MINAR1: variants seen among roughly 807,000 people sequenced by gnomAD.
MINAR1 encodes the protein membrane integral NOTCH2 associated receptor 1, also known as major intrinsically disordered Notch2-binding receptor 1.
A neutral mutation model predicts 65.1 loss-of-function variants in MINAR1; 40 were observed. That is an observed-to-expected ratio of 0.61 (90% CI 0.48 to 0.80). The LOEUF (loss-of-function observed/expected upper bound fraction) is 0.80, where lower values mean the gene tolerates loss of function less well. Among genes scored for constraint, MINAR1 ranks in the 30% least tolerant of loss-of-function variants. The probability of loss-of-function intolerance (pLI) is 0.00; values close to 1 mark genes in which losing one functional copy is unlikely to be tolerated. For missense variants in MINAR1, 1,128 were observed against 1,148.0 expected (o/e 0.98, Z 0.25); for synonymous variants, 482 against 449.1 (o/e 1.07, Z -0.93).
the MINAR1 span, chr15:79,419,989 G>A: frequency 6.6e-6 from 1 of 151,978 alleles, no homozygotes; most frequent in Non-Finnish European, 1.5e-5. Flanking sequence ...TACCAACTAG[G>A]GTGAATTAAA....
chr15:79,445,504 ATAAATCT>A (rs1219571064), intron 1 of MINAR1, among the ~76,000 whole-genome samples: 1 of 152,058 alleles, frequency 6.6e-6, no homozygotes, highest in African/African-American at 2.4e-5. Context: ...GTTTTGATTG[ATAAATCT>A]TATTTCATCC....
In MINAR1 at chr15:79,450,127, G is replaced by C. The variant is rs187389457; in HGVS notation, c.-50-5971G>C. On this transcript the variant is annotated intron_variant, in intron 1 of 3. Coordinates refer to ENST00000305428, the MANE Select transcript of MINAR1 (RefSeq NM_015206.3). ...CTAGGGGTCAGGAACCCTGGGTGTT[G>C]GGGACAGTTCTGCCACTAGCTCTAC... is the stretch of plus-strand genomic sequence containing the variant. Among the ~76,000 whole-genome samples, 31 of 152,284 alleles carry C rather than the reference G, an allele frequency of 2.0e-4. No homozygotes were observed. In the East Asian group the frequency reaches 5.8e-3, roughly 28 times the overall value.
At chr15:79,442,351 T>C (rs997043372) in intron 1 of MINAR1, among the ~76,000 whole-genome samples, 57 of 152,120 alleles carry the variant, frequency 3.7e-4, no homozygotes, top group African/African-American at 1.2e-3. Flanking sequence ...ACCATTATTT[T>C]CTCATTGAGT....
chr15:79,440,627 G>A (rs77125719), intron 1 of MINAR1, among the ~76,000 whole-genome samples: 1,753 of 152,178 alleles, frequency 0.012, 18 homozygotes, highest in Middle Eastern at 0.037. Flanking sequence ...CTGCTCTTCC[G>A]GTTCCCTCTG....
chr15:79,450,341 G>A (rs77802691), intron 1 of MINAR1, among the ~76,000 whole-genome samples: 1 of 152,010 alleles, frequency 6.6e-6, no homozygotes, highest in African/African-American at 2.4e-5. Flanking sequence ...AAGTTTTAGT[G>A]GGGGCTGGAC....
At chr15:79,436,526 A>G (rs892001309) in intron 1 of MINAR1, among the ~76,000 whole-genome samples, 1 of 152,254 alleles carries the variant, frequency 6.6e-6, no homozygotes, top group Non-Finnish European at 1.5e-5. Flanking sequence ...GTGATTGGAC[A>G]GAATTGTCCA....
upstream of MINAR1, among the ~76,000 whole-genome samples, chr15:79,430,606 C>A (rs1048682132): frequency 6.6e-6 from 1 of 152,104 alleles, no homozygotes; most frequent in Non-Finnish European, 1.5e-5. Flanking sequence ...ATATTGGGAC[C>A]CAAAGACAGA....
At chr15:79,439,553 G>T (rs537694386) in intron 1 of MINAR1, among the ~76,000 whole-genome samples, 1 of 151,776 alleles carries the variant, frequency 6.6e-6, no homozygotes, top group African/African-American at 2.4e-5. Flanking sequence ...AGTGTCGGAT[G>T]TGGGTTAAGG....
chr15:79,457,791 G>C lies in MINAR1; in HGVS notation c.1644G>C (p.Leu548Phe), dbSNP rs919210048. 6.2e-7 allele frequency: 1 copy of C among 1,614,166 alleles called. No homozygotes were observed. Among genetic ancestry groups the C allele is most frequent in the Admixed American group, 1.7e-5 (1 of 60,020 alleles). The change falls in exon 2 of 4, where the codon TTG becomes TTC. Residue 548 changes from leucine (L) to phenylalanine (F), a missense_variant. Transcript: ENST00000305428. ...CCTGCTACAACAGCACAGGATCCTTGTCTCAGCTCCATAAGTCAGACTGCG... is the reference window on the plus strand; with the variant it reads ...CCTGCTACAACAGCACAGGATCCTTCTCTCAGCTCCATAAGTCAGACTGCG... ...QSSCYNSTGSLSQLHKSDCDS... is the reference protein window; with the variant it reads ...QSSCYNSTGSFSQLHKSDCDS...
chr15:79,439,525 A>G (rs1240113539), intron 1 of MINAR1, among the ~76,000 whole-genome samples: 1 of 151,390 alleles, frequency 6.6e-6, no homozygotes, highest in Admixed American at 6.6e-5. Context: ...GTTGTGTGGG[A>G]CTGAGACGTG....
rs535919131 is a variant in MINAR1, at chr15:79,466,069, A to C, written c.2554-2118A>C. Among the ~76,000 whole-genome samples the C allele has an allele frequency of 3.4e-3, 516 of 152,224 alleles. 2 individuals carry two copies. The highest frequency in any genetic ancestry group is 0.012 in the African/African-American group (489 of 41,536). On this transcript the variant is annotated intron_variant, in intron 3 of 3. Coordinates refer to ENST00000305428, the MANE Select transcript of MINAR1 (RefSeq NM_015206.3). Reference sequence around the variant, plus strand: ...ATGCAGGAGTTTCTTGCAAAGGCTGAAGGGTTGGACAGAGCACTCTGCACA... The same window carrying C: ...ATGCAGGAGTTTCTTGCAAAGGCTGCAGGGTTGGACAGAGCACTCTGCACA...
At chr15:79,412,212 TC>T in the MINAR1 span, 2 of 151,732 alleles carry the variant, frequency 1.3e-5, no homozygotes, top group Non-Finnish European at 2.9e-5. Flanking sequence ...CCCATGGCCA[TC>T]CCCCCCAATC....
chr15:79,458,550 TGTG>T, intron 2 of MINAR1, 105 bp downstream of exon 2: 1 of 1,347,212 alleles, frequency 7.4e-7, no homozygotes, highest in Non-Finnish European at 1.0e-6. Flanking sequence ...GCCTGGCCTC[TGTG>T]TGCCAGTCAT....
upstream of MINAR1, among the ~76,000 whole-genome samples, chr15:79,430,599 T>C (rs1303844897): frequency 6.6e-6 from 1 of 152,176 alleles, no homozygotes; most frequent in East Asian, 1.9e-4. Flanking sequence ...ACAAACAATA[T>C]TGGGACCCAA....
chr15:79,417,099 T>C, the MINAR1 span: 2 of 152,200 alleles, frequency 1.3e-5, no homozygotes, highest in Admixed American at 1.3e-4. Context: ...GCCAGCAGGC[T>C]CCAACACAAG....
rs77435386 is a variant in MINAR1, at chr15:79,471,715, T to G, written c.*3331T>G. On this transcript the variant is annotated 3_prime_UTR_variant, in exon 4 of 4. Transcript: ENST00000305428. Reference sequence around the variant, plus strand: ...AGTGGCATCACATTTGTTGTTGTTGTTTTTTTTTTTGAAATAGAAAAAAAC... The same window carrying G: ...AGTGGCATCACATTTGTTGTTGTTGGTTTTTTTTTTGAAATAGAAAAAAAC... 4 of 145,996 alleles carry G rather than the reference T, an allele frequency of 2.7e-5. No individual in the cohort carries two copies. Among genetic ancestry groups the G allele is most frequent in the East Asian group, 3.9e-4 (2 of 5,070 alleles). The allele number at this position is 145,996 out of a possible 1,614,324, so 9.0% of individuals were successfully genotyped here.
At chr15:79,464,295 T>C (rs1895760255) in intron 3 of MINAR1, among the ~76,000 whole-genome samples, 1 of 152,214 alleles carries the variant, frequency 6.6e-6, no homozygotes, top group Non-Finnish European at 1.5e-5. Context: ...AATTAATATA[T>C]TTAAAGTACC....
chr15:79,413,576 G>C, the MINAR1 span: 1 of 152,260 alleles, frequency 6.6e-6, no homozygotes, highest in South Asian at 2.1e-4. Flanking sequence ...CCTTGGCCTT[G>C]TCCCAATTTA....
rs1896070953 is a variant in MINAR1, at chr15:79,471,339, AATTCATAATCATTTCATCTTC to A, written c.*2956_*2976del. ...ATTAAATATCCTTAACCAATGATTA[AATTCATAATCATTTCATCTTC>A]TTTCATAATCATTTCATCTTCTAAT... On this transcript the variant is annotated 3_prime_UTR_variant, in exon 4 of 4. Coordinates refer to ENST00000305428, the MANE Select transcript of MINAR1 (RefSeq NM_015206.3). The A allele has an allele frequency of 6.6e-6, 1 of 152,640 alleles. No homozygotes were observed. Among genetic ancestry groups the A allele is most frequent in the Non-Finnish European group, 1.5e-5 (1 of 68,046 alleles). 9.5% of individuals were successfully genotyped at this position (152,640 alleles called of 1,614,324 possible).
Sources: gnomAD v4.1 joint callset for allele counts (sites outside exome capture counted in the v4.1 genomes callset) on GRCh38, gnomAD v4.1.1 for gene constraint, MANE v1.5 for transcripts, NCBI Gene and HGNC (gene_info 2026-07-23, HGNC 2026-07-21) for gene names.